The following COL4A4 variants were observed in gnomAD, a reference collection of about 807,000 sequenced individuals.
COL4A4 encodes the protein collagen alpha-4(IV) chain.
A neutral mutation model predicts 192.9 loss-of-function variants in COL4A4; 105 were observed. The observed-to-expected ratio is 0.54, with a 90% CI of 0.46 to 0.64. The LOEUF (loss-of-function observed/expected upper bound fraction) is 0.64, where lower values mean the gene tolerates loss of function less well. Ranked by LOEUF, COL4A4 falls within the 30% of genes least tolerant of loss-of-function variation. The probability of loss-of-function intolerance (pLI) is 0.00; values close to 1 mark genes in which losing one functional copy is unlikely to be tolerated. For missense variants in COL4A4, 1,967 were observed against 2,169.3 expected, an observed-to-expected ratio of 0.91 and a Z score of 1.85; for synonymous variants, 762 against 769.9, an observed-to-expected ratio of 0.99 and a Z score of 0.17.
the COL4A4 span, among the ~76,000 whole-genome samples, chr2:226,968,113 G>A: frequency 6.6e-6 from 1 of 152,148 alleles, no homozygotes; most frequent in Non-Finnish European, 1.5e-5. Flanking sequence ...AGTTTACAAA[G>A]ATAGGAGACA....
chr2:226,993,699 G>A, the COL4A4 span, among the ~76,000 whole-genome samples: 2 of 152,140 alleles, frequency 1.3e-5, no homozygotes, highest in Non-Finnish European at 1.5e-5. Context: ...ATCAGTTATG[G>A]GGAAGCACTG....
intron 12 of COL4A4, among the ~76,000 whole-genome samples, chr2:227,107,461 T>C (rs1369434718): frequency 6.6e-6 from 1 of 152,236 alleles, no homozygotes; most frequent in Non-Finnish European, 1.5e-5. Context: ...TAACCTGTAC[T>C]TTCTGTTCAG....
intron 25 of COL4A4, 99 bp from the exon 26 acceptor site, chr2:227,062,697 G>A (rs1977442786): frequency 2.4e-6 from 2 of 835,978 alleles, no homozygotes; most frequent in East Asian, 2.6e-5. Flanking sequence ...TTTCTGTATA[G>A]TATATGCAGA....
chr2:227,096,376 T>C (rs193158083), intron 19 of COL4A4, among the ~76,000 whole-genome samples: 4 of 152,152 alleles, frequency 2.6e-5, no homozygotes, highest in African/African-American at 9.7e-5. Flanking sequence ...CACTAGGTTT[T>C]AGGAAATTTT....
intron 4 of COL4A4, among the ~76,000 whole-genome samples, chr2:227,122,562 A>G (rs2061855250): frequency 6.6e-6 from 1 of 152,192 alleles, no homozygotes; most frequent in South Asian, 2.1e-4. Flanking sequence ...TCGCATCTAT[A>G]TAAAAACTGG....
chr2:227,120,603 A>C (rs2061721322), intron 5 of COL4A4, among the ~76,000 whole-genome samples: 1 of 152,120 alleles, frequency 6.6e-6, no homozygotes, highest in Non-Finnish European at 1.5e-5. Flanking sequence ...CAGGGACTTC[A>C]TTTATTATAA....
chr2:227,064,936 C>G (rs573694909), intron 25 of COL4A4, among the ~76,000 whole-genome samples: 39 of 152,094 alleles, frequency 2.6e-4, no homozygotes, highest in Non-Finnish European at 3.8e-4. Flanking sequence ...GCGCGCGCGA[C>G]GCAGAAGACG....
chr2:227,162,396 T>A (rs1007069384), intron 1 of COL4A4, among the ~76,000 whole-genome samples: 1 of 152,230 alleles, frequency 6.6e-6, no homozygotes, highest in African/African-American at 2.4e-5. Flanking sequence ...TTGTTTGTAC[T>A]TTTTAAAATT....
At chr2:227,091,352 G>A (rs982724797) in intron 20 of COL4A4, among the ~76,000 whole-genome samples, 3 of 150,438 alleles carry the variant, frequency 2.0e-5, no homozygotes, top group Non-Finnish European at 4.4e-5. Flanking sequence ...GGGTTGTAAT[G>A]TAGAGTTCAG....
At chr2:227,081,210 T>A (rs1242405140) in intron 23 of COL4A4, among the ~76,000 whole-genome samples, 2 of 152,018 alleles carry the variant, frequency 1.3e-5, no homozygotes, top group African/African-American at 4.8e-5. Context: ...CCAGAGGAGA[T>A]TAACATTTGA....
intron 43 of COL4A4, among the ~76,000 whole-genome samples, chr2:227,024,874 C>T (rs1252434025): frequency 3.9e-5 from 6 of 152,170 alleles, no homozygotes; most frequent in Admixed American, 1.3e-4. Flanking sequence ...CCAGTGGGAA[C>T]GGAGTTCAGA....
intron 30 of COL4A4, among the ~76,000 whole-genome samples, chr2:227,054,971 G>C (rs920047081): frequency 5.3e-5 from 8 of 152,044 alleles, no homozygotes; most frequent in Non-Finnish European, 1.2e-4. Context: ...TGTATTTTTA[G>C]TAGAGACGGA....
In COL4A4 at chr2:227,078,041, A is replaced by G; in HGVS notation, c.1840T>C (p.Phe614Leu). ...HEDATPGGKG[F>L]PGPLGPPGKA... ...CCTGGGGGGCCCAGAGGTCCAGGAA[A>G]TCCTTTACCACCTGGGGTCGCATCT... Residue 614 changes from phenylalanine to leucine, a missense_variant, in exon 25 of 48, where the codon TTT becomes CTT. Physicochemically the swap from Phe to Leu is conservative, Grantham distance 22. Transcript: ENST00000396625. 9.9e-6 allele frequency: 16 copies of G among 1,613,958 alleles called. No individual in the cohort carries two copies. Among genetic ancestry groups the G allele is most frequent in the Non-Finnish European group, 1.3e-5 (15 of 1,179,976 alleles).
intron 43 of COL4A4, among the ~76,000 whole-genome samples, chr2:227,023,771 TGGG>T (rs1966474362): frequency 6.6e-6 from 1 of 152,104 alleles, no homozygotes; most frequent in African/African-American, 2.4e-5. Context: ...TCCAGCACTT[TGGG>T]AGGCCAAGAT....
At chr2:227,067,112 G>C (rs1051480189) in intron 25 of COL4A4, among the ~76,000 whole-genome samples, 1 of 152,010 alleles carries the variant, frequency 6.6e-6, no homozygotes, top group Non-Finnish European at 1.5e-5. Context: ...GATCAAAAGA[G>C]ACAAAGAAGG....
Position 227,147,395 on chromosome 2 carries a change from C to A in COL4A4, c.71+18G>T, listed in dbSNP as rs757171489. 6.2e-7 allele frequency: 1 copy of A among 1,609,428 alleles called. No individual in the cohort carries two copies. Among genetic ancestry groups the A allele is most frequent in the Admixed American group, 1.7e-5 (1 of 60,006 alleles). On this transcript the variant is annotated intron_variant, in intron 2 of 47. Transcript: ENST00000396625. ...AAATTACTAAATAAAAGCAGGCAAT[C>A]ACACTGAGGATACTCACCAGGGACC...
At chr2:227,071,545 ATTAAC>A (rs146771298) in intron 25 of COL4A4, among the ~76,000 whole-genome samples, 11,431 of 152,174 alleles carry the variant, frequency 0.075, 449 homozygotes, top group East Asian at 0.18. Context: ...ACTAGAGCAA[ATTAAC>A]TTAACAGACA....
Position 227,010,341 on chromosome 2 carries a change from C to T in COL4A4, c.4494G>A (p.Gly1498=). 6.2e-7 allele frequency: 1 copy of T among 1,614,240 alleles called. No individual in the cohort carries two copies. The highest frequency in any genetic ancestry group is 8.5e-7 in the Non-Finnish European group (1 of 1,180,046). Residue 1498 remains glycine (G), a synonymous_variant, in exon 46 of 48, where the codon GGG becomes GGA. Transcript: ENST00000396625. ...WTGYSLLYLE[G]QEKAHNQDLG... is the part of the protein sequence containing the mutation. ...GGTCTTGATTGTGAGCTTTCTCTTGCCCTTCCAGGTATAACAGACTATACC... is the reference window on the plus strand; with the variant it reads ...GGTCTTGATTGTGAGCTTTCTCTTGTCCTTCCAGGTATAACAGACTATACC...
At chr2:227,164,422 A>C, upstream of COL4A4, 2 of 479,552 alleles carry the variant, frequency 4.2e-6, no homozygotes, top group Non-Finnish European at 7.5e-6. This position sits in a 1 kb window ranked among gnomAD's most constrained non-coding sequence, Gnocchi z 4.8. Context: ...CCTGCCCCTC[A>C]GGCGCCCAGC....
Sources: gnomAD v4.1 joint callset for allele counts (sites outside exome capture counted in the v4.1 genomes callset) on GRCh38, gnomAD v4.1.1 for gene constraint, Gnocchi (gnomAD v3.1) non-coding constraint, MANE v1.5 for transcripts, NCBI Gene and HGNC (gene_info 2026-07-23, HGNC 2026-07-21) for gene names.